The following NCOA2 variants were observed in gnomAD, a reference collection of about 807,000 sequenced individuals.
The protein encoded by NCOA2 is class E basic helix-loop-helix protein 75.
In NCOA2, 21 loss-of-function variants were observed where a neutral mutation model predicts 145.1. The observed-to-expected ratio is 0.14, with a 90% confidence interval of 0.10 to 0.21. The LOEUF (loss-of-function observed/expected upper bound fraction) is 0.21. NCOA2 is among the 10% of genes least tolerant of loss of function. NCOA2 has a pLI of 1.00. For synonymous variants in NCOA2, 619 were observed against 637.5 expected, an observed-to-expected ratio of 0.97 and a Z score of 0.44; for missense variants, 1,472 against 1,837.6, an observed-to-expected ratio of 0.80 and a Z score of 3.64.
intron 2 of NCOA2, among the ~76,000 whole-genome samples, chr8:70,236,719 T>TA (rs1299492504): frequency 1.3e-5 from 2 of 152,058 alleles, no homozygotes; most frequent in Admixed American, 6.6e-5. Context: ...AGCAGTACAA[T>TA]ATAACAACTA....
intron 2 of NCOA2, among the ~76,000 whole-genome samples, chr8:70,222,040 C>T (rs531217821): frequency 4.8e-4 from 73 of 152,104 alleles, no homozygotes; most frequent in Non-Finnish European, 8.8e-5. Flanking sequence ...GGTTTTCATA[C>T]AGTAAAATTT....
chr8:70,270,473 G>A (rs766130525), intron 2 of NCOA2, among the ~76,000 whole-genome samples: 7 of 152,018 alleles, frequency 4.6e-5, no homozygotes, highest in African/African-American at 7.3e-5. Context: ...TGACGGCCAC[G>A]GGACAGGCGA....
At chr8:70,417,544 T>G in the NCOA2 span, among the ~76,000 whole-genome samples, 4 of 149,590 alleles carry the variant, frequency 2.7e-5, no homozygotes, top group East Asian at 7.8e-4. Context: ...AGTGAGACTC[T>G]GTCTCAAAAA....
At chr8:70,260,964 G>A (rs2135039869) in intron 2 of NCOA2, among the ~76,000 whole-genome samples, 1 of 152,356 alleles carries the variant, frequency 6.6e-6, no homozygotes, top group East Asian at 1.9e-4. Context: ...AGGTGCTGGA[G>A]AGGATGTGGA....
At chr8:70,220,273 A>G (rs1032352216) in intron 2 of NCOA2, among the ~76,000 whole-genome samples, 3 of 152,216 alleles carry the variant, frequency 2.0e-5, no homozygotes, top group Admixed American at 6.5e-5. Context: ...CTCACTCTCA[A>G]TGCTGAAACT....
intron 4 of NCOA2, among the ~76,000 whole-genome samples, chr8:70,184,785 A>G (rs1427550371): frequency 6.6e-6 from 1 of 152,184 alleles, no homozygotes; most frequent in Admixed American, 6.5e-5. Context: ...CCTCATTTCT[A>G]TGAAGCTTGC....
chr8:70,403,966 T>A (rs1814633581), upstream of NCOA2, among the ~76,000 whole-genome samples: 1 of 151,616 alleles, frequency 6.6e-6, no homozygotes, highest in Non-Finnish European at 1.5e-5. Context: ...TCCCTCTGCC[T>A]CCCCGGCAGT....
the NCOA2 span, among the ~76,000 whole-genome samples, chr8:70,410,445 C>T: frequency 3.3e-5 from 5 of 152,064 alleles, no homozygotes; most frequent in Non-Finnish European, 5.9e-5. Context: ...ATAATAATAA[C>T]CCAGCCTCCC....
chr8:70,417,552 AAAAC>A, the NCOA2 span, among the ~76,000 whole-genome samples: 25,275 of 151,156 alleles, frequency 0.17, 4,040 homozygotes, highest in African/African-American at 0.43. Context: ...TCTGTCTCAA[AAAAC>A]AAACAAACAA....
At chr8:70,419,760 G>T in the NCOA2 span, among the ~76,000 whole-genome samples, 3 of 151,824 alleles carry the variant, frequency 2.0e-5, no homozygotes, top group Non-Finnish European at 4.4e-5. Context: ...AATCAGTTTT[G>T]TCATTTTAAG....
chr8:70,358,019 C>A (rs894643179), intron 1 of NCOA2, among the ~76,000 whole-genome samples: 2 of 152,126 alleles, frequency 1.3e-5, no homozygotes, highest in Admixed American at 6.5e-5. Flanking sequence ...CCATTGCACT[C>A]CAGCCTGGGT....
intron 1 of NCOA2, among the ~76,000 whole-genome samples, chr8:70,361,043 CAAATT>C (rs1357299710): frequency 2.6e-5 from 4 of 151,916 alleles, no homozygotes; most frequent in African/African-American, 9.7e-5. Flanking sequence ...TCTAAAAGGC[CAAATT>C]AAATTAAAAA....
At chr8:70,380,216 A>G (rs534202028) in intron 1 of NCOA2, among the ~76,000 whole-genome samples, 4 of 152,336 alleles carry the variant, frequency 2.6e-5, no homozygotes, top group African/African-American at 9.6e-5. Context: ...ATTACATTTC[A>G]TTCTGTTTCA....
chr8:70,216,997 C>T (rs925751227), intron 2 of NCOA2, among the ~76,000 whole-genome samples: 1 of 152,154 alleles, frequency 6.6e-6, no homozygotes, highest in Non-Finnish European at 1.5e-5. Context: ...ACAAGCCTAC[C>T]TCATTGGGCC....
chr8:70,268,427 T>C (rs996186544), intron 2 of NCOA2, among the ~76,000 whole-genome samples: 8 of 152,182 alleles, frequency 5.3e-5, no homozygotes, highest in African/African-American at 1.9e-4. Context: ...AAACAGAAAT[T>C]TGAACATTTA....
rs566682378 is a variant in NCOA2, at chr8:70,144,696, T to C, written c.2758A>G (p.Met920Val). The change falls in exon 13 of 23, where the codon ATG (methionine) becomes GTG (valine). Residue 920 changes from methionine (M) to valine (V), a missense_variant. Met to Val is a conservative substitution (Grantham distance 21). This residue lies in a region of NCOA2 where 953 missense variants were observed against 1,062.1 expected (regional missense o/e 0.90). Transcript: ENST00000452400. ...TTTCCTATCATCCCTTGATTACCCA[T>C]CATTCCTGGCTGAGGTATCACTGAG... ...PYSVIPQPGM[M>V]GNQGMIGNQG... 2 of 1,614,010 alleles carry C rather than the reference T, an allele frequency of 1.2e-6. No individual in the cohort carries two copies. The highest frequency in any genetic ancestry group is 1.7e-5 in the Admixed American group (1 of 60,028).
intron 4 of NCOA2, among the ~76,000 whole-genome samples, chr8:70,213,369 T>C (rs959216396): frequency 6.6e-6 from 1 of 152,212 alleles, no homozygotes; most frequent in Non-Finnish European, 1.5e-5. Context: ...AAGAGAGCTG[T>C]CATGTTCTAT....
chr8:70,128,370 G>T, intron 18 of NCOA2, 63 bp downstream of exon 18: 5 of 1,412,888 alleles, frequency 3.5e-6, no homozygotes, highest in Non-Finnish European at 4.9e-6. Flanking sequence ...CTTCAGAGAG[G>T]AAGAAATGAC....
the NCOA2 span, among the ~76,000 whole-genome samples, chr8:70,448,925 C>T: frequency 4.6e-5 from 7 of 151,748 alleles, no homozygotes; most frequent in Non-Finnish European, 1.0e-4. Flanking sequence ...CCACCTTAGT[C>T]TCCTGAGCAG....
Sources: gnomAD v4.1 joint callset for allele counts (sites outside exome capture counted in the v4.1 genomes callset) on GRCh38, gnomAD v4.1.1 for gene constraint, gnomAD v4.1.1 regional missense constraint, MANE v1.5 for transcripts, NCBI Gene and HGNC (gene_info 2026-07-23, HGNC 2026-07-21) for gene names.